FSTL5: variants seen among roughly 807,000 people sequenced by gnomAD.
The protein encoded by FSTL5 is follistatin-related protein 5.
A neutral mutation model predicts 89.1 loss-of-function variants in FSTL5; 62 were observed. The ratio of observed to expected loss-of-function variants is 0.70; its 90% CI spans 0.57 to 0.86. FSTL5 has a LOEUF of 0.86. FSTL5 is among the 40% of genes least tolerant of loss of function. The probability of loss-of-function intolerance (pLI) is 0.00; values close to 1 mark genes in which losing one functional copy is unlikely to be tolerated. For missense variants in FSTL5, 1,057 were observed against 1,001.6 expected (o/e 1.06, Z -0.75); for synonymous variants, 383 against 346.2 (o/e 1.11, Z -1.18).
In FSTL5 at chr4:161,444,199, G is replaced by A. The variant is rs72681795; in HGVS notation, c.1841+10805C>T. Among the ~76,000 whole-genome samples the A allele has an allele frequency of 8.4e-3, 1,273 of 151,970 alleles. 8 individuals are homozygous for A. Among genetic ancestry groups the A allele is most frequent in the Non-Finnish European group, 0.014 (928 of 67,830 alleles). On this transcript the variant is annotated intron_variant, in intron 15 of 15. Transcript: ENST00000306100. ...AGTAAATTGTGTTTAGAAGTTGAGA[G>A]GCAAGGGGCCTCAGCTTAGGGCTGT...
chr4:161,949,872 C>A (rs560563349), intron 3 of FSTL5, among the ~76,000 whole-genome samples: 25 of 152,054 alleles, frequency 1.6e-4, no homozygotes, highest in Middle Eastern at 3.4e-3. Context: ...ATTTCTACTA[C>A]ATCTTTTAAC....
intron 5 of FSTL5, among the ~76,000 whole-genome samples, chr4:161,764,007 C>G (rs1440810373): frequency 6.6e-6 from 1 of 151,872 alleles, no homozygotes; most frequent in African/African-American, 2.4e-5. Flanking sequence ...TATTTTCAAC[C>G]AACACGTGCC....
intron 3 of FSTL5, among the ~76,000 whole-genome samples, chr4:161,993,950 T>C (rs1405314062): frequency 6.6e-6 from 1 of 152,162 alleles, no homozygotes; most frequent in African/African-American, 2.4e-5. Context: ...GTTACATAGA[T>C]AAACGTGTCA....
chr4:161,762,129 T>A (rs1439492193), intron 5 of FSTL5, among the ~76,000 whole-genome samples: 1 of 152,178 alleles, frequency 6.6e-6, no homozygotes, highest in African/African-American at 2.4e-5. Flanking sequence ...GAAAAATTGG[T>A]TTAGGTACCC....
chr4:161,814,156 G>A (rs34958433), intron 4 of FSTL5, among the ~76,000 whole-genome samples: 3,723 of 152,196 alleles, frequency 0.024, 53 homozygotes, highest in Non-Finnish European at 0.036. Flanking sequence ...ACAGAAAGAA[G>A]GGGAAGAAAT....
intron 7 of FSTL5, among the ~76,000 whole-genome samples, chr4:161,607,632 T>C (rs13118708): frequency 0.24 from 36,564 of 152,080 alleles, 5,039 homozygotes; most frequent in African/African-American, 0.37. Context: ...AGATATCCTA[T>C]GGGAATGGAT....
intron 3 of FSTL5, among the ~76,000 whole-genome samples, chr4:161,955,660 A>G (rs1735007646): frequency 6.6e-6 from 1 of 151,668 alleles, no homozygotes; most frequent in Non-Finnish European, 1.5e-5. Context: ...GTAGTATGAT[A>G]CATGACTAGC....
intron 6 of FSTL5, among the ~76,000 whole-genome samples, chr4:161,693,751 G>T (rs569476695): frequency 6.9e-6 from 1 of 144,326 alleles, no homozygotes; most frequent in East Asian, 2.1e-4. Context: ...CCATTCTCCT[G>T]CCTCAGCCTC....
intron 3 of FSTL5, among the ~76,000 whole-genome samples, chr4:162,030,082 T>C (rs899946383): frequency 6.6e-6 from 1 of 151,968 alleles, no homozygotes; most frequent in East Asian, 1.9e-4. Flanking sequence ...ATTTATTTAT[T>C]TATTTTTTTA....
At chr4:161,894,899 A>G (rs1400416750) in intron 4 of FSTL5, among the ~76,000 whole-genome samples, 4 of 152,246 alleles carry the variant, frequency 2.6e-5, no homozygotes, top group Non-Finnish European at 4.4e-5. Flanking sequence ...TACTTAGTAA[A>G]GCTCTCTCAG....
intron 10 of FSTL5, among the ~76,000 whole-genome samples, chr4:161,516,225 T>G (rs2126508443): frequency 6.7e-6 from 1 of 149,158 alleles, no homozygotes; most frequent in African/African-American, 2.4e-5. Flanking sequence ...TCCTTATTTC[T>G]ATTAGGGTAT....
chr4:161,994,063 G>A (rs549574696), intron 3 of FSTL5, among the ~76,000 whole-genome samples: 11 of 152,042 alleles, frequency 7.2e-5, no homozygotes, highest in Admixed American at 7.2e-4. Context: ...TCAACCTCAT[G>A]AGGCCAGAGT....
At chr4:161,884,958 T>G (rs1345547418) in intron 4 of FSTL5, among the ~76,000 whole-genome samples, 1 of 152,158 alleles carries the variant, frequency 6.6e-6, no homozygotes, top group Non-Finnish European at 1.5e-5. Flanking sequence ...TTTAGATATT[T>G]GAATAGTTCC....
At chr4:161,841,781 A>G (rs1283026474) in intron 4 of FSTL5, among the ~76,000 whole-genome samples, 2 of 152,194 alleles carry the variant, frequency 1.3e-5, no homozygotes, top group African/African-American at 4.8e-5. Flanking sequence ...GGTGAATCAG[A>G]GCATAATTAA....
Position 162,050,383 on chromosome 4 carries a change from A to T in FSTL5, c.127-16725T>A, listed in dbSNP as rs1023536415. Among the ~76,000 whole-genome samples the T allele has an allele frequency of 5.7e-4, 87 of 151,340 alleles. 1 individual carries two copies. Among genetic ancestry groups the T allele is most frequent in the African/African-American group, 2.1e-3 (87 of 41,406 alleles). ...TTAAAATTAGTAATTAAATGTTAAAACATTTATATGTCATTTTATAATATA... is the reference window on the plus strand; with the variant it reads ...TTAAAATTAGTAATTAAATGTTAAATCATTTATATGTCATTTTATAATATA... On this transcript the variant is annotated intron_variant, in intron 2 of 15. Coordinates refer to ENST00000306100, the MANE Select transcript of FSTL5 (RefSeq NM_020116.5).
intron 3 of FSTL5, among the ~76,000 whole-genome samples, chr4:162,020,976 C>A (rs1379968024): frequency 1.3e-5 from 2 of 151,976 alleles, no homozygotes; most frequent in Non-Finnish European, 2.9e-5. Flanking sequence ...TAAAATTAAT[C>A]TTTTCTTTAA....
intron 2 of FSTL5, among the ~76,000 whole-genome samples, chr4:162,041,276 T>C (rs1368611540): frequency 1.3e-5 from 2 of 148,332 alleles, no homozygotes; most frequent in African/African-American, 2.5e-5. Flanking sequence ...CTAGAGGACA[T>C]AGCATAGACA....
intron 12 of FSTL5, among the ~76,000 whole-genome samples, chr4:161,490,286 C>T (rs1428524955): frequency 6.6e-6 from 1 of 152,108 alleles, no homozygotes; most frequent in African/African-American, 2.4e-5. Context: ...AAATGTTTCT[C>T]TCTCCTTTTA....
chr4:162,032,048 A>T (rs1737549838), intron 3 of FSTL5, among the ~76,000 whole-genome samples: 1 of 152,172 alleles, frequency 6.6e-6, no homozygotes, highest in Non-Finnish European at 1.5e-5. Context: ...TGAAATTGTT[A>T]TTGCATTATA....
Sources: allele counts gnomAD v4.1 joint callset (sites outside exome capture counted in the v4.1 genomes callset), GRCh38; gene constraint gnomAD v4.1.1; transcripts MANE v1.5; gene names NCBI Gene and HGNC (gene_info 2026-07-23, HGNC 2026-07-21).